Variants in ARRB1 observed in about 807,000 individuals in gnomAD.
ARRB1 encodes beta-arrestin-1.
ARRB1 carries 21 observed loss-of-function variants against 56.8 expected under a neutral mutation model. That is an observed-to-expected ratio of 0.37 (90% CI 0.26 to 0.53). The LOEUF is 0.53. Ranked by LOEUF, ARRB1 falls within the 20% of genes least tolerant of loss-of-function variation. ARRB1 has a pLI of 0.88. For synonymous variants in ARRB1, 210 were observed against 218.6 expected, an observed-to-expected ratio of 0.96 and a Z score of 0.35; for missense variants, 424 against 553.7, an observed-to-expected ratio of 0.77 and a Z score of 2.35.
chr11:75,272,713 G>A, intron 12 of ARRB1, 182 bp downstream of exon 12: 2 of 600,444 alleles, frequency 3.3e-6, no homozygotes, highest in South Asian at 2.0e-5. Context: ...GGAAGGAAGA[G>A]AGGGAAAGCG....
intron 1 of ARRB1, chr11:75,312,138 C>T (rs1458396729): frequency 7.8e-7 from 1 of 1,289,478 alleles, no homozygotes; most frequent in East Asian, 5.5e-5. Flanking sequence ...GCTGGCCTCT[C>T]CCTTCTCCTT....
intron 13 of ARRB1, chr11:75,271,249 T>C (rs1392712210): frequency 6.4e-6 from 1 of 155,240 alleles, no homozygotes; most frequent in Non-Finnish European, 1.4e-5. Context: ...TTGGGGTACA[T>C]GCATTTTTGG....
chr11:75,335,310 C>T (rs72561775), intron 1 of ARRB1: 105 of 168,668 alleles, frequency 6.2e-4, no homozygotes, highest in Admixed American at 2.0e-3. Flanking sequence ...CTTGGCCGGA[C>T]GTGGTAGCTC....
At chr11:75,330,819 G>T (rs916251212) in intron 1 of ARRB1, among the ~76,000 whole-genome samples, 3 of 152,188 alleles carry the variant, frequency 2.0e-5, no homozygotes, top group Non-Finnish European at 4.4e-5. Flanking sequence ...GAAGCTGAAT[G>T]AAAGTGGCAG....
intron 11 of ARRB1, 116 bp downstream of exon 11, chr11:75,273,958 C>T: frequency 6.7e-7 from 1 of 1,498,790 alleles, no homozygotes; most frequent in East Asian, 2.3e-5. Flanking sequence ...CAGGCCCTGA[C>T]AAGGCTATGG....
At chr11:75,267,502 G>A in intron 15 of ARRB1, 150 bp downstream of exon 15, 1 of 736,324 alleles carries the variant, frequency 1.4e-6, no homozygotes, top group Non-Finnish European at 2.3e-6. Flanking sequence ...AGGCAAGCGG[G>A]TTGCTGAAGA....
intron 1 of ARRB1, among the ~76,000 whole-genome samples, chr11:75,325,927 G>T (rs768033906): frequency 6.6e-6 from 1 of 152,182 alleles, no homozygotes; most frequent in South Asian, 2.1e-4. Context: ...AACTCGGGCC[G>T]GCTGACTCAG....
intron 1 of ARRB1, among the ~76,000 whole-genome samples, chr11:75,334,742 T>A (rs1591986088): frequency 1.3e-5 from 2 of 152,170 alleles, no homozygotes; most frequent in African/African-American, 4.8e-5. Flanking sequence ...CAGAACTGGC[T>A]CCCCTGGATG....
At chr11:75,271,595 A>G (rs1946074454) in intron 13 of ARRB1, 106 bp downstream of exon 13, 5 of 1,260,334 alleles carry the variant, frequency 4.0e-6, no homozygotes, top group Non-Finnish European at 5.4e-6. Flanking sequence ...TGAAATGACC[A>G]CTAAGATTCC....
intron 6 of ARRB1, 121 bp from the exon 7 acceptor site, chr11:75,281,263 C>G: frequency 1.1e-6 from 1 of 952,046 alleles, no homozygotes; most frequent in East Asian, 2.6e-5. Flanking sequence ...TCCCACAGCC[C>G]AGCCTTCCTT....
intron 1 of ARRB1, among the ~76,000 whole-genome samples, chr11:75,342,194 TG>T (rs1591992516): frequency 1.3e-5 from 2 of 152,152 alleles, no homozygotes; most frequent in African/African-American, 4.8e-5. Flanking sequence ...ATGGCACCTT[TG>T]GGCATCTGCC....
At chr11:75,280,600 C>T (rs1946311200) in intron 7 of ARRB1, among the ~76,000 whole-genome samples, 1 of 152,214 alleles carries the variant, frequency 6.6e-6, no homozygotes, top group African/African-American at 2.4e-5. Flanking sequence ...GGGCCGACCT[C>T]CCTGTCACTC....
At chr11:75,342,066 G>T (rs571480779) in intron 1 of ARRB1, among the ~76,000 whole-genome samples, 15 of 152,254 alleles carry the variant, frequency 9.9e-5, no homozygotes, top group African/African-American at 3.1e-4. Context: ...AGAAACTGAG[G>T]CCCAATGAGG....
chr11:75,295,221 C>CAAAAAAA (rs34666904), intron 1 of ARRB1, among the ~76,000 whole-genome samples: 1 of 73,076 alleles, frequency 1.4e-5, no homozygotes. Flanking sequence ...AACCCTGTCT[C>CAAAAAAA]AAAAAAAAAA....
intron 1 of ARRB1, among the ~76,000 whole-genome samples, chr11:75,323,277 G>T (rs1343989167): frequency 6.6e-6 from 1 of 152,150 alleles, no homozygotes; most frequent in East Asian, 1.9e-4. Flanking sequence ...TAAGTTTTTG[G>T]GTGATTTGTT....
chr11:75,347,892 T>C (rs982018530), intron 1 of ARRB1, among the ~76,000 whole-genome samples: 2 of 152,110 alleles, frequency 1.3e-5, no homozygotes, highest in African/African-American at 4.8e-5. Flanking sequence ...CTCAACTCTA[T>C]CCTCTCTGCA....
intron 1 of ARRB1, among the ~76,000 whole-genome samples, chr11:75,328,777 G>A (rs1163995748): frequency 6.6e-6 from 1 of 152,218 alleles, no homozygotes; most frequent in East Asian, 1.9e-4. Flanking sequence ...AGGGCCAGGG[G>A]CCAGGCATAC....
At chr11:75,329,457 G>C (rs1266527545) in intron 1 of ARRB1, among the ~76,000 whole-genome samples, 1 of 152,138 alleles carries the variant, frequency 6.6e-6, no homozygotes, top group Non-Finnish European at 1.5e-5. Flanking sequence ...TAAAAGCAGG[G>C]TTCAGGGATC....
intron 1 of ARRB1, among the ~76,000 whole-genome samples, chr11:75,341,184 C>G (rs1947688226): frequency 6.6e-6 from 1 of 152,144 alleles, no homozygotes. Context: ...GTCACTCAGG[C>G]TGGAGTACAA....
Sources: allele counts gnomAD v4.1 joint callset (sites outside exome capture counted in the v4.1 genomes callset), GRCh38; gene constraint gnomAD v4.1.1; transcripts MANE v1.5; gene names NCBI Gene and HGNC (gene_info 2026-07-23, HGNC 2026-07-21).